CKM: variants seen among roughly 807,000 people sequenced by gnomAD.
CKM encodes the protein creatine kinase, M-type, also known as creatine kinase M-type.
CKM carries 28 observed loss-of-function variants against 35.4 expected under a neutral mutation model. The observed-to-expected ratio is 0.79, with a 90% CI of 0.59 to 1.08. The LOEUF (loss-of-function observed/expected upper bound fraction) is 1.08. CKM is among the 50% of genes least tolerant of loss of function. The pLI is 0.00. For missense variants in CKM, 484 were observed against 509.8 expected (o/e 0.95, Z 0.49); for synonymous variants, 215 against 204.4 (o/e 1.05, Z -0.44).
At position 45,314,352 on chromosome 19, in the gene CKM, A is replaced by G. The variant is rs529435768; in HGVS notation, c.481+1113T>C. On this transcript the variant is annotated intron_variant, in intron 4 of 7. Transcript: ENST00000221476. ...TTTAGCAGGATTTTAAAATTAAGGTATGTACTTTTTTTTTTCTAGACATAA... is the reference window on the plus strand; with the variant it reads ...TTTAGCAGGATTTTAAAATTAAGGTGTGTACTTTTTTTTTTCTAGACATAA... Among the ~76,000 whole-genome samples the G allele has an allele frequency of 2.0e-3, 306 of 151,992 alleles. 1 individual carries two copies. Among genetic ancestry groups the G allele is most frequent in the Non-Finnish European group, 3.1e-3 (214 of 67,972 alleles).
At chr19:45,315,216 G>A (rs1971145107) in intron 4 of CKM, among the ~76,000 whole-genome samples, 1 of 152,212 alleles carries the variant, frequency 6.6e-6, no homozygotes, top group Non-Finnish European at 1.5e-5. Context: ...TGAACGGATG[G>A]CAGGACGCTG....
chr19:45,312,917 G>A (rs1329109368), intron 4 of CKM, among the ~76,000 whole-genome samples: 1 of 148,822 alleles, frequency 6.7e-6, no homozygotes, highest in Non-Finnish European at 1.5e-5. Flanking sequence ...TTTTGCCACT[G>A]CACTCCAGCC....
At chr19:45,317,158 A>G (rs1971166262) in intron 3 of CKM, among the ~76,000 whole-genome samples, 1 of 151,184 alleles carries the variant, frequency 6.6e-6, no homozygotes, top group Non-Finnish European at 1.5e-5. Flanking sequence ...CCCAGGCTGG[A>G]GTGCAGTGGC....
chr19:45,312,952 T>TA (rs35930252), intron 4 of CKM, among the ~76,000 whole-genome samples: 73,406 of 135,778 alleles, frequency 0.54, 21,822 homozygotes, highest in African/African-American at 0.82. Context: ...AGATTCTGTC[T>TA]AAAAAAAAAA....
Position 45,322,853 on chromosome 19 carries a change from T to C in CKM, c.-51A>G, listed in dbSNP as rs539018027. On this transcript the variant is annotated 5_prime_UTR_variant, in exon 1 of 8. In the 5' UTR this introduces an upstream ATG that the reference lacks. Coordinates refer to ENST00000221476, the MANE Select transcript of CKM (RefSeq NM_001824.5). ...GGCTGGGCTGAAGGGGGGCTGTCTG[T>C]ATCCTGGAGGTGACACTGACCCAAA... 1.0e-6 allele frequency: 1 copy of C among 986,054 alleles called. No homozygotes were observed. The highest frequency in any genetic ancestry group is 1.2e-6 in the Non-Finnish European group (1 of 830,506). 61.1% of individuals were successfully genotyped at this position (986,054 alleles called of 1,614,324 possible).
At chr19:45,314,319 A>G (rs1190553310) in intron 4 of CKM, among the ~76,000 whole-genome samples, 4 of 152,142 alleles carry the variant, frequency 2.6e-5, no homozygotes, top group Non-Finnish European at 5.9e-5. Flanking sequence ...TCAAATGATC[A>G]CAACATTTTT....
chr19:45,307,199 G>A (rs1482417799), intron 7 of CKM, among the ~76,000 whole-genome samples: 2 of 152,164 alleles, frequency 1.3e-5, no homozygotes, highest in South Asian at 2.1e-4. Flanking sequence ...ACCACTCCTC[G>A]CTTTATAAAT....
chr19:45,315,687 C>T, intron 3 of CKM, 90 bp from the exon 4 acceptor site: 1 of 1,526,474 alleles, frequency 6.6e-7, no homozygotes, highest in Non-Finnish European at 8.8e-7. Flanking sequence ...CTCAGTCTCC[C>T]TGTTGCTTCC....
Position 45,317,966 on chromosome 19 carries a change from G to T in CKM, c.207C>A (p.Ile69=). ...CACCAGCCACGCAGCCCACGGTCAT[G>T]ATGAAGGGGTGACCTGGAGGGGTGG... ...TGVDNPGHPF[I]MTVGCVAGDE... is the part of the protein sequence containing the mutation. Residue 69 remains isoleucine (I), a synonymous_variant, in exon 3 of 8, where the codon ATC becomes ATA. Transcript: ENST00000221476. 6.2e-7 allele frequency: 1 copy of T among 1,614,048 alleles called. No individual in the cohort carries two copies. Among genetic ancestry groups the T allele is most frequent in the East Asian group, 2.2e-5 (1 of 44,890 alleles).
intron 5 of CKM, among the ~76,000 whole-genome samples, chr19:45,310,737 A>G (rs1430852763): frequency 7.2e-6 from 1 of 138,516 alleles, no homozygotes; most frequent in Non-Finnish European, 1.5e-5. Flanking sequence ...CTGGGACCAC[A>G]GGTATACGCC....
rs1971054336 is a variant in CKM at position 45,306,668 on chromosome 19, G to A, written c.*82C>T. 1 of 1,447,596 alleles carries A rather than the reference G, an allele frequency of 6.9e-7. No homozygotes were observed. The highest frequency in any genetic ancestry group is 9.7e-7 in the Non-Finnish European group (1 of 1,035,458). 89.7% of individuals were successfully genotyped at this position (1,447,596 alleles called of 1,614,324 possible). On this transcript the variant is annotated 3_prime_UTR_variant, in exon 8 of 8. Transcript: ENST00000221476. The surrounding 1 kb of genome is among the most constrained non-coding windows in gnomAD (Gnocchi z 4.5). ...GGGACTCTGGGACAGGGGGCGGGGC[G>A]AGGAGTGAGGGAGCAGGACTCTGGT...
intron 5 of CKM, among the ~76,000 whole-genome samples, chr19:45,309,363 T>C (rs1431998945): frequency 1.3e-5 from 2 of 151,802 alleles, no homozygotes; most frequent in Non-Finnish European, 2.9e-5. Flanking sequence ...AAGACTACCC[T>C]GGGCAACATG....
intron 5 of CKM, 29 bp downstream of exon 5, chr19:45,311,720 G>A: frequency 6.5e-7 from 1 of 1,543,176 alleles, no homozygotes; most frequent in Non-Finnish European, 8.7e-7. Context: ...TGGGGGAAGA[G>A]GAAGCCAGGG....
At chr19:45,316,964 C>T (rs12983935) in intron 3 of CKM, among the ~76,000 whole-genome samples, 2 of 151,906 alleles carry the variant, frequency 1.3e-5, no homozygotes, top group African/African-American at 4.8e-5. Context: ...GGATTACAAG[C>T]GTGAGCCACT....
At chr19:45,308,653 G>T in intron 5 of CKM, 121 bp from the exon 6 acceptor site, 1 of 1,274,768 alleles carries the variant, frequency 7.8e-7, no homozygotes, top group East Asian at 2.3e-5. Flanking sequence ...TGGGAGGTGG[G>T]TGGCATCTGC....
At chr19:45,318,682 T>TG (rs1480068022) in intron 2 of CKM, among the ~76,000 whole-genome samples, 1 of 151,896 alleles carries the variant, frequency 6.6e-6, no homozygotes, top group Non-Finnish European at 1.5e-5. Context: ...GTAAGAGACT[T>TG]GAAAGACCCT....
chr19:45,310,581 T>G (rs903882372), intron 5 of CKM, among the ~76,000 whole-genome samples: 1 of 151,868 alleles, frequency 6.6e-6, no homozygotes, highest in Non-Finnish European at 1.5e-5. Flanking sequence ...AGTTAGTAAA[T>G]GGTAGAGCTG....
intron 6 of CKM, among the ~76,000 whole-genome samples, chr19:45,308,047 T>G (rs344795): frequency 0.011 from 1,708 of 152,112 alleles, 40 homozygotes; most frequent in African/African-American, 0.039. Context: ...TATTTATTAA[T>G]TTTTTAGTAT....
intron 6 of CKM, 69 bp from the exon 7 acceptor site, chr19:45,307,719 AG>A (rs1267154138): frequency 7.7e-7 from 1 of 1,293,032 alleles, no homozygotes; most frequent in East Asian, 2.4e-5. Flanking sequence ...CAACATGGAC[AG>A]GGTCCGGAGG....
Sources: gnomAD v4.1 joint callset for allele counts (sites outside exome capture counted in the v4.1 genomes callset) on GRCh38, gnomAD v4.1.1 for gene constraint, Gnocchi (gnomAD v3.1) non-coding constraint, MANE v1.5 for transcripts, NCBI Gene and HGNC (gene_info 2026-07-23, HGNC 2026-07-21) for gene names.